The following COL21A1 variants were observed in gnomAD, a reference collection of about 807,000 sequenced individuals.
COL21A1 encodes the protein collagen alpha-1(XXI) chain.
Under a neutral mutation model 137.9 loss-of-function variants are expected in COL21A1, and 149 were observed. The observed-to-expected ratio is 1.08, with a 90% CI of 0.95 to 1.24. The LOEUF (loss-of-function observed/expected upper bound fraction) is 1.24, where lower values mean the gene tolerates loss of function less well. Ranked by LOEUF, COL21A1 falls within the 50% of genes most tolerant of loss-of-function variation. The pLI, the probability that COL21A1 is intolerant of heterozygous loss-of-function variation, is 0.00. For missense variants in COL21A1, 1,167 were observed against 1,158.4 expected, an observed-to-expected ratio of 1.01 and a Z score of -0.11; for synonymous variants, 456 against 391.5, an observed-to-expected ratio of 1.16 and a Z score of -1.95.
chr6:56,122,913 CTAGT>C (rs1022848204), intron 16 of COL21A1, among the ~76,000 whole-genome samples: 10 of 152,200 alleles, frequency 6.6e-5, no homozygotes, highest in African/African-American at 2.4e-4. Flanking sequence ...GAACATACAG[CTAGT>C]TAGAGAAAGT....
chr6:56,105,944 T>C (rs758061645), intron 16 of COL21A1, among the ~76,000 whole-genome samples: 1 of 152,194 alleles, frequency 6.6e-6, no homozygotes, highest in Non-Finnish European at 1.5e-5. Context: ...GCATCCACCA[T>C]ACTGGTTTAT....
At chr6:56,281,499 T>C (rs1763784178) in intron 1 of COL21A1, among the ~76,000 whole-genome samples, 2 of 152,078 alleles carry the variant, frequency 1.3e-5, no homozygotes, top group Admixed American at 1.3e-4. Flanking sequence ...AAATGTTCCA[T>C]GAGATTTAGA....
At chr6:56,341,202 A>AG (rs1765460573) in intron 1 of COL21A1, among the ~76,000 whole-genome samples, 1 of 143,670 alleles carries the variant, frequency 7.0e-6, no homozygotes, top group Non-Finnish European at 1.5e-5. Flanking sequence ...GAAAGAAAAG[A>AG]ATATCGGTAT....
At position 56,177,612 on chromosome 6, in the gene COL21A1, G is replaced by T. The variant is rs184806431; in HGVS notation, c.640+1966C>A. ...ATAGAGATTCATCCTGGCTAACACG[G>T]TGAAACCCGTTCTCTACTAAAAAAT... On this transcript the variant is annotated intron_variant, in intron 3 of 29. Coordinates refer to ENST00000244728, the MANE Select transcript of COL21A1 (RefSeq NM_030820.4). Among the ~76,000 whole-genome samples, 469 of 152,064 alleles carry T rather than the reference G, an allele frequency of 3.1e-3. 3 individuals carry two copies. The highest frequency in any genetic ancestry group is 3.0e-3 in the Non-Finnish European group (207 of 67,968).
At chr6:56,235,365 G>C (rs1317683039) in intron 1 of COL21A1, among the ~76,000 whole-genome samples, 1 of 151,894 alleles carries the variant, frequency 6.6e-6, no homozygotes, top group Admixed American at 6.6e-5. Context: ...GACTGGATCT[G>C]AACCCACTCC....
At chr6:56,286,492 T>C (rs994694253) in intron 1 of COL21A1, among the ~76,000 whole-genome samples, 4 of 152,214 alleles carry the variant, frequency 2.6e-5, no homozygotes, top group Non-Finnish European at 5.9e-5. Flanking sequence ...CACTTGCATT[T>C]TATTTCCCAA....
chr6:56,059,559 A>G (rs1298386777), intron 28 of COL21A1, among the ~76,000 whole-genome samples: 1 of 152,156 alleles, frequency 6.6e-6, no homozygotes, highest in African/African-American at 2.4e-5. Flanking sequence ...TTAAACAAAA[A>G]GGAAAGAATT....
Position 56,061,630 on chromosome 6 carries a change from A to G in COL21A1, c.2205+19T>C. ...CCGAAGAAAGAGAGCAAGAGAGCAT[A>G]ATATATGAAGAAACATACCTCTCCT... On this transcript the variant is annotated intron_variant, in intron 25 of 29. Coordinates refer to ENST00000244728, the MANE Select transcript of COL21A1 (RefSeq NM_030820.4). 6.4e-7 allele frequency: 1 copy of G among 1,560,814 alleles called. No homozygotes were observed. The highest frequency in any genetic ancestry group is 8.8e-7 in the Non-Finnish European group (1 of 1,137,684).
At chr6:56,234,869 C>A (rs761990255) in intron 1 of COL21A1, among the ~76,000 whole-genome samples, 1 of 151,372 alleles carries the variant, frequency 6.6e-6, no homozygotes, top group Non-Finnish European at 1.5e-5. Context: ...AGACTATTGA[C>A]AAATGTATTC....
chr6:56,263,475 A>G (rs1400424459), intron 1 of COL21A1, among the ~76,000 whole-genome samples: 1 of 152,224 alleles, frequency 6.6e-6, no homozygotes, highest in Non-Finnish European at 1.5e-5. Flanking sequence ...GGTGGGAAAT[A>G]AGACTTAAAA....
rs1273092802 is a variant in COL21A1 at position 56,179,912 on chromosome 6, T to C, written c.306A>G (p.Ala102=). Residue 102 remains alanine (A), a synonymous_variant, in exon 3 of 30, where the codon GCA becomes GCG. Coordinates refer to ENST00000244728, the MANE Select transcript of COL21A1 (RefSeq NM_030820.4). The part of the protein sequence containing the change: ...GSYDSGEHLT[A]AVESILYLGG... ...CTAAGTAGAGTATGGATTCCACTGC[T>C]GCCGTCAAATGTTCTCCTGAATCAT... 3 of 1,613,850 alleles carry C rather than the reference T, an allele frequency of 1.9e-6. No homozygotes were observed. Among genetic ancestry groups the C allele is most frequent in the Admixed American group, 1.7e-5 (1 of 59,978 alleles).
chr6:56,131,959 G>A lies in COL21A1; in HGVS notation c.1543-5810C>T, dbSNP rs527847899. Reference sequence around the variant, plus strand: ...AAATTTAGACAAATATAGAAATAAGGCTAAAAATAAAAGGAAGAAAAATTA... The same window carrying A: ...AAATTTAGACAAATATAGAAATAAGACTAAAAATAAAAGGAAGAAAAATTA... On this transcript the variant is annotated intron_variant, in intron 12 of 29. Transcript: ENST00000244728. 2.0e-5 allele frequency among the ~76,000 whole-genome samples: 3 copies of A among 151,650 alleles called. No individual in the cohort carries two copies. In the South Asian group the frequency reaches 6.2e-4, roughly 32 times the overall value.
chr6:56,302,168 G>A (rs970743301), intron 1 of COL21A1, among the ~76,000 whole-genome samples: 13 of 151,682 alleles, frequency 8.6e-5, no homozygotes, highest in Non-Finnish European at 1.6e-4. Context: ...TTGCTATTGT[G>A]AATAGTGCCA....
rs1268843572 is a variant in COL21A1, at chr6:56,221,055, T to C, written c.-39+26332A>G. 3.3e-5 allele frequency among the ~76,000 whole-genome samples: 5 copies of C among 152,268 alleles called. No homozygotes were observed. In the East Asian group the frequency reaches 9.7e-4, roughly 29 times the overall value. On this transcript the variant is annotated intron_variant, in intron 1 of 29. Coordinates refer to ENST00000244728, the MANE Select transcript of COL21A1 (RefSeq NM_030820.4). ...CATGCATTAAGTGTACTGTTATGTA[T>C]ATTAGTCCAGAGTTTCTCAACTACT...
chr6:56,258,855 T>C (rs1441376965), intron 1 of COL21A1, among the ~76,000 whole-genome samples: 1 of 152,206 alleles, frequency 6.6e-6, no homozygotes, highest in African/African-American at 2.4e-5. Context: ...CACAAACACA[T>C]GTCCTATGAG....
At chr6:56,367,161 G>T (rs72875551) in intron 1 of COL21A1, among the ~76,000 whole-genome samples, 10,243 of 152,116 alleles carry the variant, frequency 0.067, 511 homozygotes, top group African/African-American at 0.13. Flanking sequence ...GATTTAAAAT[G>T]CCATTATTCA....
At chr6:56,278,508 T>C (rs958416701) in intron 1 of COL21A1, among the ~76,000 whole-genome samples, 10 of 152,224 alleles carry the variant, frequency 6.6e-5, no homozygotes, top group African/African-American at 2.4e-4. Context: ...CCAAATGAGC[T>C]AAAGTCTTCA....
At chr6:56,325,842 A>ATATTATATGTTATACG (rs1765059811) in intron 1 of COL21A1, among the ~76,000 whole-genome samples, 1 of 962 alleles carries the variant, frequency 1.0e-3, no homozygotes, top group African/African-American at 1.1e-3. Context: ...TACATATTAT[A>ATATTATATGTTATACG]TATAATATAT....
intron 1 of COL21A1, among the ~76,000 whole-genome samples, chr6:56,285,032 C>T (rs1013267745): frequency 6.6e-6 from 1 of 152,190 alleles, no homozygotes; most frequent in Admixed American, 6.5e-5. Flanking sequence ...AAGCATTTCC[C>T]TCCCTGCACT....
Sources: gnomAD v4.1 joint callset for allele counts (sites outside exome capture counted in the v4.1 genomes callset) on GRCh38, gnomAD v4.1.1 for gene constraint, MANE v1.5 for transcripts, NCBI Gene and HGNC (gene_info 2026-07-23, HGNC 2026-07-21) for gene names.